RBM43: variants seen among roughly 807,000 people sequenced by gnomAD.
The protein encoded by RBM43 is RNA binding motif protein 43.
In RBM43, 12 loss-of-function variants were observed where a neutral mutation model predicts 12.4. That is an observed-to-expected ratio of 0.97 (90% CI 0.62 to 1.57). RBM43 has a LOEUF of 1.57. RBM43 is among the 40% of genes most tolerant of loss of function. RBM43 has a pLI of 0.00. For synonymous variants in RBM43, 138 were observed against 145.7 expected (o/e 0.95, Z 0.38); for missense variants, 348 against 400.1 (o/e 0.87, Z 1.11).
Position 151,251,289 on chromosome 2 carries a change from T to A in RBM43, c.691A>T (p.Lys231Ter), listed in dbSNP as rs1476509291. 6.2e-7 allele frequency: 1 copy of A among 1,614,010 alleles called. No homozygotes were observed. The highest frequency in any genetic ancestry group is 2.2e-5 in the East Asian group (1 of 44,880). Residue 231 changes from lysine to a stop codon, truncating the protein, a stop_gained, in exon 4 of 4, where the codon AAA (lysine) becomes TAA (stop). Transcript: ENST00000331426. LOFTEE classifies it low-confidence loss of function (END_TRUNC). ...CTTTCATAAGATCCACACTTGTGTT[T>A]CAGGTAAAGAAAAACATCTGTGTCA... Reference protein sequence around the residue: ...VLDTDVFLYLKHKCGSYESTL... With the variant: ...VLDTDVFLYL
Position 151,251,349 on chromosome 2 carries a change from G to T in RBM43, c.631C>A (p.Pro211Thr). The T allele has an allele frequency of 6.2e-7, 1 of 1,614,104 alleles. No individual in the cohort carries two copies. Among genetic ancestry groups the T allele is most frequent in the South Asian group, 1.1e-5 (1 of 91,070 alleles). Residue 211 changes from proline (P) to threonine (T), a missense_variant, in exon 4 of 4, where the codon CCT becomes ACT. Physicochemically the swap from Pro to Thr is conservative, Grantham distance 38. Transcript: ENST00000331426. Reference protein sequence around the residue: ...NSLASVRTLVPETARSGEMLV... With the variant: ...NSLASVRTLVTETARSGEMLV... The stretch of plus-strand genomic sequence containing the variant: ...ATTTCTCCACTTCTAGCAGTCTCAG[G>T]TACTAAGGTCCTGACTGATGCCAAA...
intron 2 of RBM43, 29 bp downstream of exon 2, chr2:151,255,504 A>T (rs764200227): frequency 9.4e-5 from 136 of 1,439,834 alleles, no homozygotes; most frequent in Non-Finnish European, 1.3e-4. Context: ...AAGTATTTCT[A>T]AAATTACAAA....
intron 1 of RBM43, among the ~76,000 whole-genome samples, chr2:151,260,698 T>C (rs1333782774): frequency 6.6e-6 from 1 of 152,248 alleles, no homozygotes; most frequent in Non-Finnish European, 1.5e-5. Flanking sequence ...TTGGAGAAAG[T>C]ATGGCTAACA....
intron 1 of RBM43, among the ~76,000 whole-genome samples, chr2:151,259,019 T>C (rs1401373485): frequency 6.6e-6 from 1 of 151,812 alleles, no homozygotes; most frequent in Non-Finnish European, 1.5e-5. Context: ...GGCACATGCC[T>C]GTAGTCCCAG....
chr2:151,261,571 C>A, intron 1 of RBM43, 154 bp downstream of exon 1: 1 of 1,539,038 alleles, frequency 6.5e-7, no homozygotes, highest in East Asian at 2.5e-5. Flanking sequence ...CTCTCCGGGG[C>A]CCCCGGGGTC....
Position 151,251,321 on chromosome 2 carries a change from A to G in RBM43, c.659T>C (p.Leu220Pro). ...VPETARSGEMLVLDTDVFLYL... is the reference protein window; with the variant it reads ...VPETARSGEMPVLDTDVFLYL... ...AAGAAAAACATCTGTGTCAAGCACA[A>G]GCATTTCTCCACTTCTAGCAGTCTC... is the stretch of plus-strand genomic sequence containing the variant. The change falls in exon 4 of 4, where the codon CTT (leucine) becomes CCT (proline). Residue 220 changes from leucine to proline, a missense_variant. Leu to Pro is a moderately conservative substitution (Grantham distance 98). Transcript: ENST00000331426. The G allele has an allele frequency of 6.2e-7, 1 of 1,614,126 alleles. No homozygotes were observed. Among genetic ancestry groups the G allele is most frequent in the Non-Finnish European group, 8.5e-7 (1 of 1,179,988 alleles).
rs1682878063 is a variant in RBM43 at position 151,250,303 on chromosome 2, G to A, written c.*603C>T. Reference sequence around the variant, plus strand: ...ACAGAGAAAGTAAGATTCCTTCAAAGTTTGGTGAGTTTGCTGGGCGCAGTG... The same window carrying A: ...ACAGAGAAAGTAAGATTCCTTCAAAATTTGGTGAGTTTGCTGGGCGCAGTG... On this transcript the variant is annotated 3_prime_UTR_variant, in exon 4 of 4. Coordinates refer to ENST00000331426, the MANE Select transcript of RBM43 (RefSeq NM_198557.3). 1 of 152,110 alleles carries A rather than the reference G, an allele frequency of 6.6e-6. No homozygotes were observed. The highest frequency in any genetic ancestry group is 1.5e-5 in the Non-Finnish European group (1 of 68,022). The allele number at this position is 152,110 out of a possible 1,614,324, so 9.4% of individuals were successfully genotyped here. A position where few individuals can be genotyped will look rare whatever the true frequency, so the allele number is the denominator to read the frequency against.
Position 151,251,183 on chromosome 2 carries a change from A to G in RBM43, c.797T>C (p.Val266Ala). 1 of 1,614,068 alleles carries G rather than the reference A, an allele frequency of 6.2e-7. No homozygotes were observed. The highest frequency in any genetic ancestry group is 8.5e-7 in the Non-Finnish European group (1 of 1,180,030). ...ITTICLKSIQ[V>A]GSQPNNAKHV... ...TTTTGCATTGTTTGGCTGAGAACCA[A>G]CTTGAATGCTTTTTAGACAAATTGT... The change falls in exon 4 of 4, where the codon GTT (valine) becomes GCT (alanine). Residue 266 changes from valine to alanine, a missense_variant. Physicochemically the swap from Val to Ala is moderately conservative, Grantham distance 64 (BLOSUM62 0). Transcript: ENST00000331426.
chr2:151,254,355 T>A (rs1258471052), intron 2 of RBM43, among the ~76,000 whole-genome samples: 3 of 152,060 alleles, frequency 2.0e-5, no homozygotes, highest in African/African-American at 7.2e-5. Context: ...ATATAAAATA[T>A]TAACTTTCAA....
chr2:151,261,386 C>A (rs1220141509), intron 1 of RBM43: 1 of 1,550,632 alleles, frequency 6.4e-7, no homozygotes, highest in Admixed American at 2.0e-5. Context: ...AGCTCCTCGA[C>A]GAACGGCGGC....
chr2:151,248,297 A>G lies in RBM43; in HGVS notation c.*2609T>C, dbSNP rs1682845817. The G allele has an allele frequency of 6.6e-6, 1 of 152,052 alleles. No individual in the cohort carries two copies. Among genetic ancestry groups the G allele is most frequent in the South Asian group, 2.1e-4 (1 of 4,824 alleles). The allele number at this position is 152,052 out of a possible 1,614,324, so 9.4% of individuals were successfully genotyped here. A position where few individuals can be genotyped will look rare whatever the true frequency, so the allele number is the denominator to read the frequency against. ...TAAAAATGCTGCTATTCTTTTTTGTATAGGGAGGAAGGTTTTACATGGGAA... is the reference window on the plus strand; with the variant it reads ...TAAAAATGCTGCTATTCTTTTTTGTGTAGGGAGGAAGGTTTTACATGGGAA... On this transcript the variant is annotated 3_prime_UTR_variant, in exon 4 of 4. Coordinates refer to ENST00000331426, the MANE Select transcript of RBM43 (RefSeq NM_198557.3).
intron 2 of RBM43, among the ~76,000 whole-genome samples, chr2:151,253,708 G>A (rs1682936107): frequency 6.6e-6 from 1 of 152,148 alleles, no homozygotes; most frequent in Non-Finnish European, 1.5e-5. Context: ...TCTCACCCCA[G>A]AATAAAATCC....
intron 3 of RBM43, 102 bp from the exon 4 acceptor site, chr2:151,251,766 T>A (rs927481016): frequency 4.2e-6 from 5 of 1,190,910 alleles, no homozygotes; most frequent in Non-Finnish European, 5.8e-6. Flanking sequence ...GAAATTGCAA[T>A]AAACCAGGCC....
intron 1 of RBM43, among the ~76,000 whole-genome samples, chr2:151,258,155 A>G (rs1682997987): frequency 6.6e-6 from 1 of 152,046 alleles, no homozygotes. Context: ...AACTCAGAAT[A>G]TGCAAAAGGG....
At chr2:151,256,017 A>C (rs940626148) in intron 1 of RBM43, among the ~76,000 whole-genome samples, 7 of 152,104 alleles carry the variant, frequency 4.6e-5, no homozygotes, top group Admixed American at 3.9e-4. Context: ...GCTGGAGTGC[A>C]GTGGTATGAT....
chr2:151,257,304 G>T (rs967737016), intron 1 of RBM43, among the ~76,000 whole-genome samples: 1 of 142,474 alleles, frequency 7.0e-6, no homozygotes, highest in East Asian at 2.1e-4. Context: ...GCACGCATGC[G>T]TGCACAAACA....
chr2:151,259,928 C>T (rs1271096113), intron 1 of RBM43, among the ~76,000 whole-genome samples: 4 of 151,522 alleles, frequency 2.6e-5, no homozygotes, highest in Non-Finnish European at 4.4e-5. Context: ...TGCAGTGGCG[C>T]GATCTTGGCT....
At chr2:151,258,966 A>G (rs1683010492) in intron 1 of RBM43, among the ~76,000 whole-genome samples, 1 of 152,072 alleles carries the variant, frequency 6.6e-6, no homozygotes, top group Admixed American at 6.5e-5. Context: ...AACATGGTGA[A>G]ACCCCAACTC....
At chr2:151,260,726 G>A (rs1334950696) in intron 1 of RBM43, among the ~76,000 whole-genome samples, 1 of 152,102 alleles carries the variant, frequency 6.6e-6, no homozygotes, top group African/African-American at 2.4e-5. Flanking sequence ...TTTTACTGAG[G>A]TCAATTATGA....
Sources: allele counts gnomAD v4.1 joint callset (sites outside exome capture counted in the v4.1 genomes callset), GRCh38; gene constraint gnomAD v4.1.1; transcripts MANE v1.5; gene names NCBI Gene and HGNC (gene_info 2026-07-23, HGNC 2026-07-21).